Variants in BIRC6 observed in about 807,000 individuals in gnomAD.
The protein encoded by BIRC6 is baculoviral IAP repeat containing 6.
A neutral mutation model predicts 503.3 loss-of-function variants in BIRC6; 98 were observed. That is an observed-to-expected ratio of 0.19 (90% CI 0.17 to 0.23). BIRC6 has a LOEUF of 0.23. Ranked by LOEUF, BIRC6 falls within the 10% of genes least tolerant of loss-of-function variation. The pLI, the probability that BIRC6 is intolerant of heterozygous loss-of-function variation, is 1.00. For synonymous variants in BIRC6, 2,240 were observed against 2,078.7 expected, an observed-to-expected ratio of 1.08 and a Z score of -2.11; for missense variants, 5,360 against 5,806.0, an observed-to-expected ratio of 0.92 and a Z score of 2.50.
At chr2:32,614,975 A>G (rs1404875328) in intron 73 of BIRC6, among the ~76,000 whole-genome samples, 1 of 152,128 alleles carries the variant, frequency 6.6e-6, no homozygotes, top group Admixed American at 6.6e-5. Context: ...CAATGGGCCC[A>G]TGGTTCTGTA....
At chr2:32,588,353 C>T (rs938186678) in intron 66 of BIRC6, among the ~76,000 whole-genome samples, 1 of 151,926 alleles carries the variant, frequency 6.6e-6, no homozygotes, top group Non-Finnish European at 1.5e-5. Context: ...GAAACTCCGT[C>T]TCAATAAATA....
intron 22 of BIRC6, among the ~76,000 whole-genome samples, chr2:32,449,819 A>G (rs911519724): frequency 6.6e-6 from 1 of 152,200 alleles, no homozygotes; most frequent in Non-Finnish European, 1.5e-5. Flanking sequence ...GTATTCGTTA[A>G]TATAGTTTCT....
chr2:32,473,628 G>T (rs1188551750), intron 33 of BIRC6, among the ~76,000 whole-genome samples: 1 of 150,936 alleles, frequency 6.6e-6, no homozygotes, highest in Non-Finnish European at 1.5e-5. Context: ...TGGCTTCAGG[G>T]TATTCATCTT....
At chr2:32,441,563 T>A (rs1444926726) in intron 17 of BIRC6, 101 bp downstream of exon 17, 6 of 1,115,350 alleles carry the variant, frequency 5.4e-6, no homozygotes, top group South Asian at 4.2e-5. Context: ...TACCTGAAAA[T>A]TTTTTTTGTC....
At position 32,547,876 on chromosome 2, in the gene BIRC6, T is replaced by C; in HGVS notation, c.12837T>C (p.Pro4279=). ...CACAGGTGTCAAGCTCTCATAACCC[T>C]ACATCAACAGAAGAACAACAGTTAT... ...TEPQVSSSHN[P]TSTEEQQLYW... The change falls in exon 64 of 74, where the codon CCT becomes CCC. Residue 4279 remains proline (P), a synonymous_variant. Transcript: ENST00000421745. 6.2e-7 allele frequency: 1 copy of C among 1,607,248 alleles called. No homozygotes were observed. Among genetic ancestry groups the C allele is most frequent in the South Asian group, 1.1e-5 (1 of 89,430 alleles).
chr2:32,448,817 T>G lies in BIRC6; in HGVS notation c.4507T>G (p.Phe1503Val). The change falls in exon 22 of 74, where the codon TTT becomes GTT. Residue 1503 changes from phenylalanine (F) to valine (V), a missense_variant. Coordinates refer to ENST00000421745, the MANE Select transcript of BIRC6 (RefSeq NM_016252.4). ...CAGATATGGATTATATAGCTCACCA[T>G]TTGATCCAGTCCTCTTTGATTTGGA... ...QTRYGLYSSPFDPVLFDLEMS... is the reference protein window; with the variant it reads ...QTRYGLYSSPVDPVLFDLEMS... 1 of 1,612,522 alleles carries G rather than the reference T, an allele frequency of 6.2e-7. No individual in the cohort carries two copies. Among genetic ancestry groups the G allele is most frequent in the East Asian group, 2.2e-5 (1 of 44,834 alleles).
In BIRC6 at chr2:32,441,328, G is replaced by T; in HGVS notation, c.3811-1G>T. ...AATTCATTATTATTTGTAATGTTTA[G>T]GAAAAATCATCTAATGTTAAGAATG... is the stretch of plus-strand genomic sequence containing the variant. On this transcript the variant is annotated splice_acceptor_variant, in intron 16 of 73. Coordinates refer to ENST00000421745, the MANE Select transcript of BIRC6 (RefSeq NM_016252.4). LOFTEE classifies it high-confidence loss of function. 1 of 1,539,424 alleles carries T rather than the reference G, an allele frequency of 6.5e-7. No homozygotes were observed.
chr2:32,414,237 A>G (rs2042189622), intron 9 of BIRC6, among the ~76,000 whole-genome samples: 1 of 152,182 alleles, frequency 6.6e-6, no homozygotes, highest in South Asian at 2.1e-4. Context: ...AGATCACACC[A>G]TTGCACTCCA....
At position 32,357,451 on chromosome 2, in the gene BIRC6, C is replaced by T; in HGVS notation, c.290C>T (p.Thr97Ile). 6.4e-7 allele frequency: 1 copy of T among 1,550,462 alleles called. No homozygotes were observed. The highest frequency in any genetic ancestry group is 8.7e-7 in the Non-Finnish European group (1 of 1,147,162). ...SRGTIKVIDG[T>I]SGATLQASAL... ...GGGACCATCAAAGTCATCGACGGCA[C>T]CTCGGGGGCCACACTGCAGGCCTCC... The change falls in exon 1 of 74, where the codon ACC (threonine) becomes ATC (isoleucine). Residue 97 changes from threonine to isoleucine, a missense_variant. Thr to Ile is a moderately conservative substitution (Grantham distance 89). Around this residue, in one of 16 missense-constraint regions of BIRC6, gnomAD observed 47 missense variants for 93.3 expected, o/e 0.50. Coordinates refer to ENST00000421745, the MANE Select transcript of BIRC6 (RefSeq NM_016252.4). This position sits in a 1 kb window ranked among gnomAD's most constrained non-coding sequence, Gnocchi z 4.9.
chr2:32,479,395 A>C (rs1372045365), intron 36 of BIRC6, 67 bp from the exon 37 acceptor site: 1 of 1,438,048 alleles, frequency 7.0e-7, no homozygotes, highest in Non-Finnish European at 9.5e-7. Flanking sequence ...GGAGGAAAAA[A>C]ATGTGCTGTA....
Position 32,464,796 on chromosome 2 carries a change from TAAC to T in BIRC6, c.5232_5234del (p.Asn1744del), listed in dbSNP as rs1443645035. 1 of 1,611,312 alleles carries T rather than the reference TAAC, an allele frequency of 6.2e-7. No homozygotes were observed. Among genetic ancestry groups the T allele is most frequent in the Admixed American group, 1.7e-5 (1 of 59,774 alleles). On this transcript the variant is annotated inframe_deletion, in exon 25 of 74. Coordinates refer to ENST00000421745, the MANE Select transcript of BIRC6 (RefSeq NM_016252.4). ...CCCCAGCAGTCAATCTTGCTGCACA[TAAC>T]AAAAATTCCAACAAGTCCAGAATGG...
At position 32,502,758 on chromosome 2, in the gene BIRC6, A is replaced by G. The variant is rs752037198; in HGVS notation, c.9208-37A>G. 1.1e-5 allele frequency: 16 copies of G among 1,480,408 alleles called. 1 individual carries two copies. In the South Asian group the frequency reaches 1.7e-4, roughly 16 times the overall value. The allele number at this position is 1,480,408 out of a possible 1,614,324, so 91.7% of individuals were successfully genotyped here. On this transcript the variant is annotated intron_variant, in intron 47 of 73. Transcript: ENST00000421745. ...TTGAGTTTAGTTCTTATTCACAGGA[A>G]TATATAAAGTCATAATATGCATATT...
intron 55 of BIRC6, among the ~76,000 whole-genome samples, chr2:32,517,883 T>A (rs1306299426): frequency 6.6e-6 from 1 of 152,168 alleles, no homozygotes; most frequent in Non-Finnish European, 1.5e-5. Flanking sequence ...TTGTTATATA[T>A]TTTTAATATG....
intron 61 of BIRC6, 35 bp downstream of exon 61, chr2:32,531,586 C>A: frequency 6.6e-7 from 1 of 1,509,816 alleles, no homozygotes; most frequent in East Asian, 2.3e-5. Flanking sequence ...TATATCATTC[C>A]ATAGCTAAGC....
intron 65 of BIRC6, among the ~76,000 whole-genome samples, chr2:32,571,378 C>CT (rs61599835): frequency 0.17 from 3,488 of 20,584 alleles, 559 homozygotes; most frequent in Middle Eastern, 0.23. Context: ...TGGTCCTGGG[C>CT]TTTTTTTTTT....
intron 72 of BIRC6, among the ~76,000 whole-genome samples, chr2:32,610,847 CA>C (rs773659630): frequency 5.9e-5 from 9 of 151,768 alleles, no homozygotes; most frequent in African/African-American, 7.3e-5. Flanking sequence ...CAGTTCACTG[CA>C]ACCTCTGCCT....
chr2:32,487,687 G>C lies in BIRC6; in HGVS notation c.7854G>C (p.Gly2618=), dbSNP rs1249104642. 4 of 1,613,592 alleles carry C rather than the reference G, an allele frequency of 2.5e-6. No homozygotes were observed. The East Asian group carries it at 8.9e-5, about 36-fold the overall frequency. The change falls in exon 41 of 74, where the codon GGG becomes GGC. Residue 2618 remains glycine (G), a synonymous_variant. Transcript: ENST00000421745. Reference sequence around the variant, plus strand: ...CTGGAACAGATGATTCACTTCTAGGGGGTTTACAAGCAGCAAACCAAACCA... The same window carrying C: ...CTGGAACAGATGATTCACTTCTAGGCGGTTTACAAGCAGCAAACCAAACCA... ...SPTGTDDSLL[G]GLQAANQTSQ... is the part of the protein sequence containing the mutation.
intron 38 of BIRC6, among the ~76,000 whole-genome samples, chr2:32,481,655 G>C (rs2050410947): frequency 6.6e-6 from 1 of 151,764 alleles, no homozygotes; most frequent in Non-Finnish European, 1.5e-5. Flanking sequence ...AGTCCCAGCT[G>C]CTTGGGAGGC....
chr2:32,549,430 A>T lies in BIRC6; in HGVS notation c.13093A>T (p.Ser4365Cys), dbSNP rs530276942. ...TCCTTCTGTACTTCTCGAGCTTCTCAGTCAGTCCTGCCTCATCCCAGCCAT... is the reference window on the plus strand; with the variant it reads ...TCCTTCTGTACTTCTCGAGCTTCTCTGTCAGTCCTGCCTCATCCCAGCCAT... ...ALPSVLLELL[S>C]QSCLIPAMSS... The change falls in exon 65 of 74, where the codon AGT becomes TGT. Residue 4365 changes from serine (S) to cysteine (C), a missense_variant. By Grantham distance (112) the Ser-to-Cys change is moderately radical. Around this residue, in one of 16 missense-constraint regions of BIRC6, gnomAD observed 477 missense variants for 574.4 expected, o/e 0.83. Coordinates refer to ENST00000421745, the MANE Select transcript of BIRC6 (RefSeq NM_016252.4). 6.6e-7 allele frequency: 1 copy of T among 1,506,248 alleles called. No individual in the cohort carries two copies. Among genetic ancestry groups the T allele is most frequent in the South Asian group, 1.3e-5 (1 of 74,228 alleles). 93.3% of individuals were successfully genotyped at this position (1,506,248 alleles called of 1,614,324 possible).
Sources: gnomAD v4.1 joint callset for allele counts (sites outside exome capture counted in the v4.1 genomes callset) on GRCh38, gnomAD v4.1.1 for gene constraint, gnomAD v4.1.1 regional missense constraint, Gnocchi (gnomAD v3.1) non-coding constraint, MANE v1.5 for transcripts, NCBI Gene and HGNC (gene_info 2026-07-23, HGNC 2026-07-21) for gene names.